Variants in SGCZ observed in about 807,000 individuals in gnomAD.
The protein encoded by SGCZ is sarcoglycan zeta, also known as zeta-sarcoglycan.
In SGCZ, 40 loss-of-function variants were observed where a neutral mutation model predicts 41.3. The observed-to-expected ratio is 0.97, with a 90% confidence interval of 0.75 to 1.26. SGCZ has a LOEUF of 1.26. SGCZ is among the 50% of genes most tolerant of loss of function. SGCZ has a pLI of 0.00. For missense variants in SGCZ, 552 were observed against 369.8 expected, an observed-to-expected ratio of 1.49 and a Z score of -4.04; for synonymous variants, 206 against 137.5, an observed-to-expected ratio of 1.50 and a Z score of -3.49.
chr8:14,231,049 T>C (rs10093533), intron 4 of SGCZ, among the ~76,000 whole-genome samples: 4,688 of 152,112 alleles, frequency 0.031, 242 homozygotes, highest in African/African-American at 0.099. Flanking sequence ...TGAATTAAAA[T>C]GCTGAGGTTT....
intron 2 of SGCZ, among the ~76,000 whole-genome samples, chr8:14,490,054 T>G (rs7823803): frequency 0.48 from 72,993 of 151,456 alleles, 17,760 homozygotes; most frequent in Admixed American, 0.55. Flanking sequence ...TTTTAGTATA[T>G]ATGAGGTTTC....
At chr8:14,613,774 A>C (rs1245852938) in intron 1 of SGCZ, among the ~76,000 whole-genome samples, 2 of 152,174 alleles carry the variant, frequency 1.3e-5, no homozygotes, top group Non-Finnish European at 2.9e-5. Context: ...TGTGAGGATT[A>C]AACAGGGGTT....
chr8:14,236,243 A>C (rs1806755643), intron 4 of SGCZ, among the ~76,000 whole-genome samples: 1 of 152,130 alleles, frequency 6.6e-6, no homozygotes, highest in African/African-American at 2.4e-5. Context: ...CTTTTATTTA[A>C]TCTTGAATCC....
chr8:14,776,782 G>A (rs1418009197), intron 1 of SGCZ, among the ~76,000 whole-genome samples: 1 of 151,844 alleles, frequency 6.6e-6, no homozygotes, highest in African/African-American at 2.4e-5. Flanking sequence ...CGTGAGCTAT[G>A]GCGCCCAGCC....
chr8:14,090,381 G>A lies in SGCZ; in HGVS notation c.*62C>T, dbSNP rs1016844582. 2 of 1,545,772 alleles carry A rather than the reference G, an allele frequency of 1.3e-6. No individual in the cohort carries two copies. The highest frequency in any genetic ancestry group is 3.7e-5 in the Admixed American group (2 of 54,324). On this transcript the variant is annotated 3_prime_UTR_variant, in exon 8 of 8. Transcript: ENST00000382080. ...GACTGATCACAAGGGAAACCGAGCAGAACTGTGAAGCAGACGGACAGGAAC... is the reference window on the plus strand; with the variant it reads ...GACTGATCACAAGGGAAACCGAGCAAAACTGTGAAGCAGACGGACAGGAAC...
At chr8:15,184,825 T>C (rs1800288258) in intron 1 of SGCZ, among the ~76,000 whole-genome samples, 1 of 152,176 alleles carries the variant, frequency 6.6e-6, no homozygotes, top group South Asian at 2.1e-4. Context: ...CTTCCAACTG[T>C]TGCTAATCTC....
chr8:14,195,690 A>T (rs1295344548), intron 4 of SGCZ, among the ~76,000 whole-genome samples: 1 of 152,168 alleles, frequency 6.6e-6, no homozygotes, highest in Non-Finnish European at 1.5e-5. Context: ...AGTAACAAAG[A>T]TAAGGAAGGC....
intron 1 of SGCZ, among the ~76,000 whole-genome samples, chr8:15,180,826 G>A (rs1184673047): frequency 6.6e-6 from 1 of 151,634 alleles, no homozygotes; most frequent in East Asian, 2.0e-4. Context: ...GGCAGAGTTT[G>A]CAGTGAGCCG....
chr8:14,455,001 A>G (rs945033158), intron 2 of SGCZ, among the ~76,000 whole-genome samples: 1 of 152,170 alleles, frequency 6.6e-6, no homozygotes, highest in African/African-American at 2.4e-5. Context: ...CAAACACAGA[A>G]GCAATCAAAT....
intron 1 of SGCZ, among the ~76,000 whole-genome samples, chr8:14,898,154 T>C (rs1217570994): frequency 1.3e-5 from 2 of 151,780 alleles, no homozygotes; most frequent in Non-Finnish European, 2.9e-5. Context: ...CTCATTACAT[T>C]GCCCAGGCTG....
chr8:14,356,875 G>C (rs1803315925), intron 2 of SGCZ, among the ~76,000 whole-genome samples: 1 of 151,844 alleles, frequency 6.6e-6, no homozygotes, highest in Admixed American at 6.6e-5. Flanking sequence ...TTTGTTTTTA[G>C]ATTCAGAAAT....
At chr8:14,494,228 A>G (rs1414228569) in intron 2 of SGCZ, among the ~76,000 whole-genome samples, 1 of 152,166 alleles carries the variant, frequency 6.6e-6, no homozygotes, top group Non-Finnish European at 1.5e-5. Flanking sequence ...CAAGAAGTTG[A>G]AATAAAGAGA....
chr8:14,541,940 T>C (rs1803482726), intron 2 of SGCZ, among the ~76,000 whole-genome samples: 1 of 152,188 alleles, frequency 6.6e-6, no homozygotes, highest in South Asian at 2.1e-4. Flanking sequence ...TTTTCAAAAG[T>C]GTCTGTTCAT....
chr8:15,010,527 T>C (rs1802785448), intron 1 of SGCZ, among the ~76,000 whole-genome samples: 1 of 152,178 alleles, frequency 6.6e-6, no homozygotes, highest in South Asian at 2.1e-4. Context: ...AAACTTCTGA[T>C]TAAGACAAAA....
chr8:14,326,117 A>AAAAAAAAAAAAAAAAAAAC, intron 2 of SGCZ, among the ~76,000 whole-genome samples: 1 of 145,954 alleles, frequency 6.9e-6, no homozygotes, highest in Non-Finnish European at 1.5e-5. Flanking sequence ...GTCTCAAAAA[A>AAAAAAAAAAAAAAAAAAAC]AAAAAAAAAA....
intron 1 of SGCZ, among the ~76,000 whole-genome samples, chr8:14,595,508 A>G (rs982293430): frequency 2.0e-5 from 3 of 151,836 alleles, no homozygotes; most frequent in African/African-American, 4.8e-5. Context: ...TAACAACACA[A>G]CATGTCAGGC....
At chr8:14,898,155 G>T (rs141101741) in intron 1 of SGCZ, among the ~76,000 whole-genome samples, 1 of 151,104 alleles carries the variant, frequency 6.6e-6, no homozygotes, top group Non-Finnish European at 1.5e-5. Context: ...TCATTACATT[G>T]CCCAGGCTGG....
intron 1 of SGCZ, among the ~76,000 whole-genome samples, chr8:14,624,306 G>C (rs918569922): frequency 2.6e-5 from 4 of 152,042 alleles, no homozygotes; most frequent in African/African-American, 9.7e-5. Context: ...TGCCAAGAAA[G>C]TGATGTCTTT....
chr8:14,783,871 A>G (rs1800667012), intron 1 of SGCZ, among the ~76,000 whole-genome samples: 1 of 152,184 alleles, frequency 6.6e-6, no homozygotes, highest in South Asian at 2.1e-4. Context: ...AATTCAGAAC[A>G]AAGATAAGTG....
Sources: allele counts gnomAD v4.1 joint callset (sites outside exome capture counted in the v4.1 genomes callset), GRCh38; gene constraint gnomAD v4.1.1; transcripts MANE v1.5; gene names NCBI Gene and HGNC (gene_info 2026-07-23, HGNC 2026-07-21).